Variants in PHF20L1 observed in about 807,000 individuals in gnomAD.
The protein encoded by PHF20L1 is PHD finger protein 20-like protein 1.
Under a neutral mutation model 125.5 loss-of-function variants are expected in PHF20L1, and 44 were observed. That is an observed-to-expected ratio of 0.35 (90% CI 0.28 to 0.45). PHF20L1 has a LOEUF of 0.45. PHF20L1 is among the 20% of genes least tolerant of loss of function. PHF20L1 has a pLI of 1.00. For missense variants in PHF20L1, 1,012 were observed against 1,217.2 expected (o/e 0.83, Z 2.51); for synonymous variants, 380 against 403.1 (o/e 0.94, Z 0.69).
At chr8:132,785,353 T>G (rs1022992615) in intron 2 of PHF20L1, among the ~76,000 whole-genome samples, 70 of 152,198 alleles carry the variant, frequency 4.6e-4, no homozygotes, top group African/African-American at 1.6e-3. Flanking sequence ...AAAAGAATGT[T>G]TTGCAATTCT....
chr8:132,839,859 G>T (rs750778759), intron 18 of PHF20L1, among the ~76,000 whole-genome samples: 1 of 152,078 alleles, frequency 6.6e-6, no homozygotes, highest in African/African-American at 2.4e-5. Context: ...TATGCTTACC[G>T]TATGTGCAAA....
chr8:132,838,901 G>T (rs1045904568), intron 17 of PHF20L1, among the ~76,000 whole-genome samples: 1 of 152,104 alleles, frequency 6.6e-6, no homozygotes, highest in African/African-American at 2.4e-5. Flanking sequence ...TAAACACCTG[G>T]TTGTAATAGG....
chr8:132,828,488 T>C (rs1836432813), intron 14 of PHF20L1, among the ~76,000 whole-genome samples: 1 of 151,960 alleles, frequency 6.6e-6, no homozygotes, highest in Non-Finnish European at 1.5e-5. Context: ...TATCAAACTG[T>C]GTATTCTTCT....
chr8:132,841,639 A>T (rs938311293), intron 18 of PHF20L1: 1 of 152,110 alleles, frequency 6.6e-6, no homozygotes, highest in Non-Finnish European at 1.5e-5. Flanking sequence ...AATTAACTGT[A>T]CAATATCATG....
chr8:132,837,616 C>A (rs1837509819), intron 16 of PHF20L1, 96 bp from the exon 17 acceptor site: 3 of 912,664 alleles, frequency 3.3e-6, no homozygotes, highest in Non-Finnish European at 5.2e-6. Flanking sequence ...CAGTAAGAAG[C>A]CAAGCCAGCC....
intron 14 of PHF20L1, among the ~76,000 whole-genome samples, chr8:132,830,089 A>G (rs553050287): frequency 6.6e-6 from 1 of 152,196 alleles, no homozygotes; most frequent in South Asian, 2.1e-4. Flanking sequence ...GTTAAAACCA[A>G]GGTATCAACA....
chr8:132,816,845 C>A, intron 10 of PHF20L1, 43 bp from the exon 11 acceptor site: 1 of 1,252,882 alleles, frequency 8.0e-7, no homozygotes, highest in Non-Finnish European at 1.2e-6. Context: ...TAAGATGCTC[C>A]TGGTATGTAT....
chr8:132,828,155 C>A (rs949452245), intron 14 of PHF20L1, among the ~76,000 whole-genome samples: 1 of 151,982 alleles, frequency 6.6e-6, no homozygotes, highest in Admixed American at 6.6e-5. Flanking sequence ...ACAGTTAGCA[C>A]CATGAGGGAG....
chr8:132,831,241 T>C (rs1836744917), intron 14 of PHF20L1, among the ~76,000 whole-genome samples: 1 of 152,074 alleles, frequency 6.6e-6, no homozygotes. Context: ...CTAATCTGGC[T>C]CCTGTCACTC....
intron 6 of PHF20L1, among the ~76,000 whole-genome samples, chr8:132,800,662 A>G (rs1271053706): frequency 6.6e-6 from 1 of 151,766 alleles, no homozygotes. Flanking sequence ...TGACATTAGT[A>G]ACACTTTTGT....
At position 132,777,849 on chromosome 8, in the gene PHF20L1, T is replaced by C; in HGVS notation, c.21T>C (p.Asn7=). 1.2e-6 allele frequency: 2 copies of C among 1,612,888 alleles called. No homozygotes were observed. Among genetic ancestry groups the C allele is most frequent in the African/African-American group, 2.7e-5 (2 of 74,994 alleles). Residue 7 remains asparagine (N), a synonymous_variant, in exon 2 of 21, where the codon AAT becomes AAC. Coordinates refer to ENST00000395386, the MANE Select transcript of PHF20L1 (RefSeq NM_016018.5). MSKKPP[N]RPGITFEIGA... ...TCAAGATGAGTAAAAAGCCCCCAAA[T>C]CGCCCTGGAATCACTTTTGAGATTG...
intron 13 of PHF20L1, chr8:132,824,886 A>G (rs1835994610): frequency 3.9e-5 from 16 of 407,852 alleles, no homozygotes; most frequent in Non-Finnish European, 4.6e-5. Context: ...TAAATCTCCT[A>G]ATTTATTCTC....
intron 11 of PHF20L1, 78 bp downstream of exon 11, chr8:132,817,154 T>C: frequency 1.0e-6 from 1 of 983,012 alleles, no homozygotes; most frequent in Non-Finnish European, 1.5e-6. Flanking sequence ...ATTATTAAAA[T>C]ATTAAGATAT....
At chr8:132,784,352 A>G (rs191911909) in intron 2 of PHF20L1, among the ~76,000 whole-genome samples, 16 of 152,276 alleles carry the variant, frequency 1.1e-4, no homozygotes, top group Admixed American at 2.6e-4. Context: ...TTTAAGTGCT[A>G]TTTTGCCATG....
intron 4 of PHF20L1, among the ~76,000 whole-genome samples, chr8:132,796,050 T>C (rs911676318): frequency 2.0e-5 from 3 of 152,056 alleles, no homozygotes; most frequent in Non-Finnish European, 2.9e-5. Context: ...GAAACAAACA[T>C]TGAGTGACAG....
intron 9 of PHF20L1, chr8:132,812,849 C>G: frequency 1.0e-6 from 1 of 981,136 alleles, no homozygotes. Context: ...TGATAACAGG[C>G]CTGTAGTCAA....
At chr8:132,839,308 C>A (rs2131909370) in intron 17 of PHF20L1, 79 bp from the exon 18 acceptor site, 2 of 1,091,276 alleles carry the variant, frequency 1.8e-6, no homozygotes, top group Non-Finnish European at 2.8e-6. Flanking sequence ...GCTTAATGAG[C>A]AACGTTAGTA....
At chr8:132,831,025 A>T (rs1018580234) in intron 14 of PHF20L1, among the ~76,000 whole-genome samples, 44 of 151,878 alleles carry the variant, frequency 2.9e-4, no homozygotes, top group Admixed American at 2.8e-3. Context: ...CCATCACCCA[A>T]GTTCTGAGCC....
At position 132,846,163 on chromosome 8, in the gene PHF20L1, C is replaced by T. The variant is rs1212760884; in HGVS notation, c.*240C>T. ...TGAGAATGTGTTATATGCCAAGGAA[C>T]AATGAAGTAGAATATAATGTATACT... On this transcript the variant is annotated 3_prime_UTR_variant, in exon 21 of 21. Transcript: ENST00000395386. The T allele has an allele frequency of 7.4e-6, 3 of 405,512 alleles. No individual in the cohort carries two copies. The highest frequency in any genetic ancestry group is 1.3e-5 in the Non-Finnish European group (3 of 222,696). The allele number at this position is 405,512 out of a possible 1,614,324, so 25.1% of individuals were successfully genotyped here. A position where few individuals can be genotyped will look rare whatever the true frequency, so the allele number is the denominator to read the frequency against.
Sources: gnomAD v4.1 joint callset for allele counts (sites outside exome capture counted in the v4.1 genomes callset) on GRCh38, gnomAD v4.1.1 for gene constraint, MANE v1.5 for transcripts, NCBI Gene and HGNC (gene_info 2026-07-23, HGNC 2026-07-21) for gene names.